Variants in ASTN1 observed in about 807,000 individuals in gnomAD.
ASTN1 encodes the protein astrotactin-1.
Under a neutral mutation model 140.7 loss-of-function variants are expected in ASTN1, and 41 were observed. The ratio of observed to expected loss-of-function variants is 0.29; its 90% CI spans 0.23 to 0.38. ASTN1 has a LOEUF of 0.38. Among genes scored for constraint, ASTN1 ranks in the 10% least tolerant of loss-of-function variants. The probability of loss-of-function intolerance (pLI) is 1.00; values close to 1 mark genes in which losing one functional copy is unlikely to be tolerated. For synonymous variants in ASTN1, 640 were observed against 652.2 expected, an observed-to-expected ratio of 0.98 and a Z score of 0.29; for missense variants, 1,479 against 1,678.8, an observed-to-expected ratio of 0.88 and a Z score of 2.08.
chr1:177,144,581 G>A (rs1273906229), intron 1 of ASTN1, among the ~76,000 whole-genome samples: 1 of 147,244 alleles, frequency 6.8e-6, no homozygotes, highest in Non-Finnish European at 1.5e-5. Context: ...AGTTATCTCT[G>A]AGCTTGTTTA....
chr1:176,938,904 A>G (rs898348388), intron 14 of ASTN1, among the ~76,000 whole-genome samples: 2 of 152,030 alleles, frequency 1.3e-5, no homozygotes, highest in Non-Finnish European at 1.5e-5. Context: ...ACTTGAGGTC[A>G]GGAGTTTGGG....
intron 1 of ASTN1, among the ~76,000 whole-genome samples, chr1:177,090,376 A>G (rs1304289349): frequency 1.3e-5 from 2 of 152,114 alleles, no homozygotes; most frequent in African/African-American, 2.4e-5. Flanking sequence ...TTTAATCCTT[A>G]AAATAACTCC....
chr1:177,025,599 T>G (rs1161020511), intron 5 of ASTN1, among the ~76,000 whole-genome samples: 1 of 152,144 alleles, frequency 6.6e-6, no homozygotes, highest in Non-Finnish European at 1.5e-5. Context: ...TCTTTTGGAA[T>G]TTTCTTCTGC....
rs763305043 is a variant in ASTN1 at position 177,014,861 on chromosome 1, A to G, written c.1453T>C (p.Tyr485His). 6.2e-7 allele frequency: 1 copy of G among 1,613,536 alleles called. No individual in the cohort carries two copies. Among genetic ancestry groups the G allele is most frequent in the African/African-American group, 1.3e-5 (1 of 74,912 alleles). The change falls in exon 8 of 23, where the codon TAT (tyrosine) becomes CAT (histidine). Residue 485 changes from tyrosine (Y) to histidine (H), a missense_variant. Physicochemically the swap from Tyr to His is moderately conservative, Grantham distance 83. Around this residue, in one of 3 missense-constraint regions of ASTN1, gnomAD observed 729 missense variants for 860.4 expected, o/e 0.85. Transcript: ENST00000361833. ...CDPETGECLC[Y>H]EGYMKDPVHK... is the part of the protein sequence containing the mutation. ...ACTGGATCCTTCATGTAGCCTTCAT[A>G]GCAGAGGCATTCCCCTTAGAAGCAG...
chr1:177,023,432 G>A lies in ASTN1; in HGVS notation c.1410C>T (p.Pro470=). The change falls in exon 7 of 23, where the codon CCC becomes CCT. Residue 470 remains proline, a synonymous_variant. Transcript: ENST00000361833. ...TTTCGGGGTCACATTGGTGTTCACAGGGGTCCAGGAGCCGCCGGGCACAGA... is the reference window on the plus strand; with the variant it reads ...TTTCGGGGTCACATTGGTGTTCACAAGGGTCCAGGAGCCGCCGGGCACAGA... ...MDLCARRLLD[P]CEHQCDPETG... is the part of the protein sequence containing the mutation. 2 of 1,601,712 alleles carry A rather than the reference G, an allele frequency of 1.2e-6. No homozygotes were observed. Among genetic ancestry groups the A allele is most frequent in the South Asian group, 2.2e-5 (2 of 89,164 alleles).
intron 1 of ASTN1, among the ~76,000 whole-genome samples, chr1:177,109,514 T>C (rs1680712603): frequency 6.6e-6 from 1 of 152,084 alleles, no homozygotes; most frequent in Non-Finnish European, 1.5e-5. Context: ...GTATTGGATA[T>C]AGGGATGTTC....
intron 1 of ASTN1, among the ~76,000 whole-genome samples, chr1:177,087,235 G>A (rs1041049356): frequency 6.6e-6 from 1 of 152,090 alleles, no homozygotes; most frequent in Non-Finnish European, 1.5e-5. Flanking sequence ...GATGATGAAG[G>A]GTCAGGCACC....
intron 11 of ASTN1, 118 bp from the exon 12 acceptor site, chr1:176,949,469 C>T (rs1031919367): frequency 1.8e-5 from 20 of 1,130,276 alleles, no homozygotes; most frequent in Middle Eastern, 2.2e-4. Flanking sequence ...TATTAACATT[C>T]GCAAGTAATC....
chr1:176,883,935 G>C (rs770542567), intron 19 of ASTN1, among the ~76,000 whole-genome samples: 1 of 152,162 alleles, frequency 6.6e-6, no homozygotes, highest in Non-Finnish European at 1.5e-5. Flanking sequence ...TGCCTGGAAG[G>C]GGGTTATTAG....
intron 21 of ASTN1, 56 bp from the exon 22 acceptor site, chr1:176,869,083 A>T: frequency 1.7e-6 from 2 of 1,202,606 alleles, no homozygotes; most frequent in Non-Finnish European, 2.2e-6. Flanking sequence ...TAATGTATAT[A>T]TATACACACA....
chr1:177,133,352 C>A (rs1368645103), intron 1 of ASTN1, among the ~76,000 whole-genome samples: 1 of 152,234 alleles, frequency 6.6e-6, no homozygotes, highest in Non-Finnish European at 1.5e-5. Context: ...CCAAGCTCTT[C>A]TTCTCTTTCC....
chr1:176,920,862 C>T (rs970218641), intron 16 of ASTN1, among the ~76,000 whole-genome samples: 21 of 152,210 alleles, frequency 1.4e-4, no homozygotes, highest in Admixed American at 1.3e-3. Flanking sequence ...AATGCATATA[C>T]ATCATTATTG....
chr1:177,004,483 T>C (rs1351120990), intron 8 of ASTN1, among the ~76,000 whole-genome samples: 1 of 152,080 alleles, frequency 6.6e-6, no homozygotes, highest in Non-Finnish European at 1.5e-5. Flanking sequence ...AAAATTCATA[T>C]GGAACAACAA....
intron 1 of ASTN1, among the ~76,000 whole-genome samples, chr1:177,077,814 C>T (rs1178615144): frequency 6.6e-6 from 1 of 152,158 alleles, no homozygotes. Context: ...CTTCATTTCA[C>T]ATGCCCCCCT....
chr1:176,897,718 T>C (rs954275892), intron 16 of ASTN1, among the ~76,000 whole-genome samples: 1 of 152,028 alleles, frequency 6.6e-6, no homozygotes, highest in African/African-American at 2.4e-5. Context: ...TTCCGTAACA[T>C]TTACCCGACA....
chr1:177,009,195 C>G (rs1343093407), intron 8 of ASTN1, among the ~76,000 whole-genome samples: 6 of 152,148 alleles, frequency 3.9e-5, no homozygotes. Flanking sequence ...AGAGGAGGTT[C>G]TTGCTCAGTT....
At position 177,000,630 on chromosome 1, in the gene ASTN1, T is replaced by C. The variant is rs532017260; in HGVS notation, c.1523+14161A>G. ...TTCTAATGCACACAAAGGTACTATA[T>C]ATGGCAGCAGTCCTGAGCGTAGAAG... On this transcript the variant is annotated intron_variant, in intron 8 of 22. Transcript: ENST00000361833. Among the ~76,000 whole-genome samples, 3 of 152,310 alleles carry C rather than the reference T, an allele frequency of 2.0e-5. No individual in the cohort carries two copies. The South Asian group carries it at 6.2e-4, about 32-fold the overall frequency.
chr1:177,090,660 A>G (rs1679705774), intron 1 of ASTN1, among the ~76,000 whole-genome samples: 1 of 152,168 alleles, frequency 6.6e-6, no homozygotes, highest in Non-Finnish European at 1.5e-5. Context: ...CCACATTTGG[A>G]TGAAGGCCAC....
At chr1:176,872,523 G>A (rs963865950) in intron 21 of ASTN1, among the ~76,000 whole-genome samples, 2 of 152,200 alleles carry the variant, frequency 1.3e-5, no homozygotes, top group African/African-American at 4.8e-5. Context: ...AGAACCGAAA[G>A]GATTTGCCAA....
Sources: gnomAD v4.1 joint callset for allele counts (sites outside exome capture counted in the v4.1 genomes callset) on GRCh38, gnomAD v4.1.1 for gene constraint, gnomAD v4.1.1 regional missense constraint, MANE v1.5 for transcripts, NCBI Gene and HGNC (gene_info 2026-07-23, HGNC 2026-07-21) for gene names.